POLR3GL: variants seen among roughly 807,000 people sequenced by gnomAD.
POLR3GL encodes RNA polymerase III subunit GL, also known as DNA-directed RNA polymerase III subunit RPC7-like.
Under a neutral mutation model 32.4 loss-of-function variants are expected in POLR3GL, and 26 were observed. That is an observed-to-expected ratio of 0.80 (90% CI 0.59 to 1.11). The LOEUF (loss-of-function observed/expected upper bound fraction) is 1.11. POLR3GL is among the 50% of genes most tolerant of loss of function. The pLI is 0.00. For synonymous variants in POLR3GL, 95 were observed against 98.7 expected (o/e 0.96, Z 0.22); for missense variants, 229 against 280.1 (o/e 0.82, Z 1.30).
At chr1:145,973,965 A>G (rs1318637099) in intron 1 of POLR3GL, among the ~76,000 whole-genome samples, 1 of 147,280 alleles carries the variant, frequency 6.8e-6, no homozygotes, top group Non-Finnish European at 1.5e-5. Context: ...GTCTCTTAAA[A>G]AAAAAAAAAA....
At chr1:145,975,508 G>A in intron 3 of POLR3GL, 72 bp downstream of exon 3, 1 of 1,544,740 alleles carries the variant, frequency 6.5e-7, no homozygotes, top group Non-Finnish European at 8.9e-7. Flanking sequence ...CACCACTGGG[G>A]GCCAGAGGGG....
chr1:145,977,294 C>A, intron 4 of POLR3GL, 142 bp downstream of exon 4: 1 of 897,590 alleles, frequency 1.1e-6, no homozygotes. Context: ...CCAACACATT[C>A]TCAGATTCTA....
intron 1 of POLR3GL, 62 bp from the exon 2 acceptor site, chr1:145,974,763 C>G: frequency 8.8e-7 from 1 of 1,135,064 alleles, no homozygotes; most frequent in Middle Eastern, 2.4e-4. Context: ...ATGTCTTGTA[C>G]CTCCTTGGCT....
intron 1 of POLR3GL, among the ~76,000 whole-genome samples, chr1:145,969,411 C>T (rs1553762354): frequency 6.6e-6 from 1 of 151,708 alleles, no homozygotes; most frequent in African/African-American, 2.4e-5. Flanking sequence ...ACTACAGGCG[C>T]ACACCACCAT....
At chr1:145,968,573 C>CT (rs1320272952) in intron 1 of POLR3GL, among the ~76,000 whole-genome samples, 4,685 of 137,672 alleles carry the variant, frequency 0.034, 241 homozygotes, top group African/African-American at 0.11. Context: ...GTGACAAATT[C>CT]TTTTTTTTTT....
rs371843943 is a variant in POLR3GL at position 145,977,403 on chromosome 1, A to AC, written c.326-74dup. 0.012 allele frequency: 16,267 copies of AC among 1,386,286 alleles called. 967 individuals are homozygous for AC. The African/African-American group carries it at 0.16, about 13-fold the overall frequency. 85.9% of individuals were successfully genotyped at this position (1,386,286 alleles called of 1,614,324 possible). ...TTCCTTCCTCTCCTTTAAAACCCTC[A>AC]CCCCCCTTTAAAACCAGTCAGTATT... On this transcript the variant is annotated intron_variant, in intron 4 of 7. Coordinates refer to ENST00000369314, the MANE Select transcript of POLR3GL (RefSeq NM_032305.3).
intron 1 of POLR3GL, among the ~76,000 whole-genome samples, chr1:145,971,055 G>A (rs1422327390): frequency 2.0e-4 from 30 of 148,330 alleles, no homozygotes; most frequent in South Asian, 4.2e-4. Context: ...GCGTGGTGGC[G>A]CATGCCTGTA....
chr1:145,972,607 T>G (rs1444328020), intron 1 of POLR3GL, among the ~76,000 whole-genome samples: 1 of 152,202 alleles, frequency 6.6e-6, no homozygotes, highest in African/African-American at 2.4e-5. Context: ...TTGTTTCAGC[T>G]TTGGCCATTG....
intron 1 of POLR3GL, among the ~76,000 whole-genome samples, chr1:145,970,000 G>A (rs1570991849): frequency 1.3e-5 from 2 of 151,018 alleles, no homozygotes; most frequent in African/African-American, 4.9e-5. Context: ...ATTAACCGTT[G>A]TTAATTTTTG....
chr1:145,977,720 G>T lies in POLR3GL; in HGVS notation c.383-58G>T, dbSNP rs961518392. 7 of 1,503,634 alleles carry T rather than the reference G, an allele frequency of 4.7e-6. No homozygotes were observed. The Admixed American group carries it at 5.0e-5, about 11-fold the overall frequency. 93.1% of individuals were successfully genotyped at this position (1,503,634 alleles called of 1,614,324 possible). Reference sequence around the variant, plus strand: ...GTGACATGTTCTTTGCATGAGGATGGGCTATAAAGCTGGCAAAATTTGCTC... The same window carrying T: ...GTGACATGTTCTTTGCATGAGGATGTGCTATAAAGCTGGCAAAATTTGCTC... On this transcript the variant is annotated intron_variant, in intron 5 of 7. Transcript: ENST00000369314.
At chr1:145,975,204 C>T in intron 2 of POLR3GL, 103 bp from the exon 3 acceptor site, 2 of 1,453,554 alleles carry the variant, frequency 1.4e-6, no homozygotes, top group East Asian at 4.7e-5. Flanking sequence ...TGTCATTTGG[C>T]CCTCTGCTCA....
intron 5 of POLR3GL, 77 bp from the exon 6 acceptor site, chr1:145,977,699 CAT>C: frequency 7.1e-7 from 1 of 1,404,512 alleles, no homozygotes. Flanking sequence ...AGCAGAGTGA[CAT>C]GTTCTTTGCA....
intron 1 of POLR3GL, among the ~76,000 whole-genome samples, chr1:145,971,924 C>T (rs1650318165): frequency 7.8e-6 from 1 of 127,932 alleles, no homozygotes; most frequent in African/African-American, 3.0e-5. Context: ...GAGATTGCGC[C>T]ACTGCACTCC....
At chr1:145,968,121 T>C (rs1186512574) in intron 1 of POLR3GL, among the ~76,000 whole-genome samples, 1 of 152,172 alleles carries the variant, frequency 6.6e-6, no homozygotes, top group African/African-American at 2.4e-5. Flanking sequence ...ATGAGCATAG[T>C]GTATATGAGT....
intron 1 of POLR3GL, among the ~76,000 whole-genome samples, chr1:145,967,123 A>G (rs887307118): frequency 6.6e-6 from 1 of 151,308 alleles, no homozygotes; most frequent in Admixed American, 6.6e-5. Flanking sequence ...CCTGCTTATT[A>G]TTTAAATCTT....
chr1:145,978,335 T>C (rs1440396693), intron 7 of POLR3GL, 26 bp from the exon 8 acceptor site: 3 of 1,381,516 alleles, frequency 2.2e-6, no homozygotes, highest in East Asian at 2.5e-5. Flanking sequence ...CCAAATTGAC[T>C]TTTACTTTTT....
chr1:145,966,429 C>G lies in POLR3GL; in HGVS notation c.-42+1661C>G, dbSNP rs587635718. ...TGGAGAAGTCGAGGCTGCAGTGAGCCAAAATTGCCACTGCACTGCACTTCA... is the reference window on the plus strand; with the variant it reads ...TGGAGAAGTCGAGGCTGCAGTGAGCGAAAATTGCCACTGCACTGCACTTCA... On this transcript the variant is annotated intron_variant, in intron 1 of 7. Coordinates refer to ENST00000369314, the MANE Select transcript of POLR3GL (RefSeq NM_032305.3). Among the ~76,000 whole-genome samples the G allele has an allele frequency of 4.4e-5, 6 of 136,948 alleles. No homozygotes were observed. In the South Asian group the frequency reaches 1.5e-3, roughly 34 times the overall value. 89.8% of individuals were successfully genotyped at this position (136,948 alleles called of 152,430 possible).
chr1:145,971,185 CAAAAA>C (rs36126138), intron 1 of POLR3GL, among the ~76,000 whole-genome samples: 6 of 90,680 alleles, frequency 6.6e-5, no homozygotes, highest in Non-Finnish European at 1.2e-4. Context: ...AACTCCATCT[CAAAAA>C]AAAAAAAAAA....
intron 3 of POLR3GL, among the ~76,000 whole-genome samples, chr1:145,975,694 A>T (rs1226622833): frequency 6.6e-6 from 1 of 152,130 alleles, no homozygotes; most frequent in East Asian, 1.9e-4. Flanking sequence ...CTAAAAAATT[A>T]TATATTTTTT....
Sources: gnomAD v4.1 joint callset for allele counts (sites outside exome capture counted in the v4.1 genomes callset) on GRCh38, gnomAD v4.1.1 for gene constraint, MANE v1.5 for transcripts, NCBI Gene and HGNC (gene_info 2026-07-23, HGNC 2026-07-21) for gene names.